TBC1D16: variants seen among roughly 807,000 people sequenced by gnomAD.
TBC1D16 encodes the protein CTD-2529O21.1.
TBC1D16 carries 58 observed loss-of-function variants against 74.7 expected under a neutral mutation model. That is an observed-to-expected ratio of 0.78 (90% CI 0.63 to 0.97). The LOEUF (loss-of-function observed/expected upper bound fraction) is 0.97. Among genes scored for constraint, TBC1D16 ranks in the 50% least tolerant of loss-of-function variants. The probability of loss-of-function intolerance (pLI) is 0.00; values close to 1 mark genes in which losing one functional copy is unlikely to be tolerated. For missense variants in TBC1D16, 1,014 were observed against 1,079.5 expected (o/e 0.94, Z 0.85); for synonymous variants, 493 against 474.7 (o/e 1.04, Z -0.50).
At chr17:79,951,721 T>C (rs1312105706) in intron 4 of TBC1D16, 124 bp from the exon 5 acceptor site, 4 of 1,161,098 alleles carry the variant, frequency 3.4e-6, no homozygotes, top group Non-Finnish European at 3.6e-6. Flanking sequence ...TGAGTCCCAG[T>C]GGAGTTGGCT....
intron 3 of TBC1D16, among the ~76,000 whole-genome samples, chr17:79,972,292 T>G (rs1363588390): frequency 1.3e-5 from 2 of 152,286 alleles, no homozygotes; most frequent in Non-Finnish European, 2.9e-5. Flanking sequence ...TTCTCCTGCT[T>G]CAGCCTCCTG....
At chr17:79,962,134 T>C (rs1203716173) in intron 3 of TBC1D16, among the ~76,000 whole-genome samples, 1 of 151,810 alleles carries the variant, frequency 6.6e-6, no homozygotes, top group Admixed American at 6.6e-5. Flanking sequence ...AGATGCAACT[T>C]TTTTCCTTTT....
chr17:79,960,779 CA>C (rs746450905), intron 3 of TBC1D16, among the ~76,000 whole-genome samples: 1,275 of 33,922 alleles, frequency 0.038, 390 homozygotes, highest in African/African-American at 0.065. Context: ...AACAAAAACC[CA>C]AAAAAAAAAA....
Position 79,947,799 on chromosome 17 carries a change from G to A in TBC1D16, c.1574C>T (p.Pro525Leu). 1 of 1,613,714 alleles carries A rather than the reference G, an allele frequency of 6.2e-7. No individual in the cohort carries two copies. The highest frequency in any genetic ancestry group is 8.5e-7 in the Non-Finnish European group (1 of 1,180,026). ...CATCCCTTGGGAATAGCCGACGGCA[G>A]GGTTGTACACGGCGTAGTTCAGCAG... ...RILLNYAVYNPAVGYSQGMSD... is the reference protein window; with the variant it reads ...RILLNYAVYNLAVGYSQGMSD... The change falls in exon 9 of 12, where the codon CCT (proline) becomes CTT (leucine). Residue 525 changes from proline to leucine, a missense_variant. Transcript: ENST00000310924.
At position 79,971,031 on chromosome 17, in the gene TBC1D16, A is replaced by T. The variant is rs201286248; in HGVS notation, c.780-18213T>A. On this transcript the variant is annotated intron_variant, in intron 3 of 11. Transcript: ENST00000310924. This position sits in a 1 kb window ranked among gnomAD's most constrained non-coding sequence, Gnocchi z 4.6. The stretch of plus-strand genomic sequence containing the variant: ...TACACTCCCTGTATTTTTATTTTTT[A>T]TTTTTTTTTGAGATGGAGTCTGTCT... Among the ~76,000 whole-genome samples the T allele has an allele frequency of 1.7e-3, 191 of 111,102 alleles. No individual in the cohort carries two copies. Among genetic ancestry groups the T allele is most frequent in the East Asian group, 6.7e-3 (19 of 2,838 alleles). The allele number at this position is 111,102 out of a possible 152,430, so 72.9% of individuals were successfully genotyped here.
intron 1 of TBC1D16, chr17:80,026,033 C>T (rs2036573694): frequency 1.3e-5 from 2 of 150,208 alleles, no homozygotes; most frequent in South Asian, 4.2e-4. Context: ...TTACTCATAA[C>T]TGCCAACACT....
intron 1 of TBC1D16, among the ~76,000 whole-genome samples, chr17:80,029,840 G>A (rs1272328056): frequency 6.6e-6 from 1 of 152,118 alleles, no homozygotes; most frequent in Non-Finnish European, 1.5e-5. Flanking sequence ...GTCTCACAGG[G>A]CTAAAACCAG....
intron 3 of TBC1D16, among the ~76,000 whole-genome samples, chr17:79,995,157 G>A (rs1409135272): frequency 6.6e-6 from 1 of 151,944 alleles, no homozygotes; most frequent in Non-Finnish European, 1.5e-5. Context: ...AAAATTAGCT[G>A]AGTGTGGTGA....
chr17:79,951,650 G>A (rs2033060821), intron 4 of TBC1D16, 53 bp from the exon 5 acceptor site: 7 of 1,585,524 alleles, frequency 4.4e-6, no homozygotes, highest in African/African-American at 4.0e-5. Flanking sequence ...TGTAAACACG[G>A]GGGTTTTATT....
chr17:79,945,237 C>A (rs377597591), intron 9 of TBC1D16, 150 bp from the exon 10 acceptor site: 105 of 813,536 alleles, frequency 1.3e-4, no homozygotes, highest in Admixed American at 4.9e-4. Context: ...GCCTGCCCCC[C>A]CAACGCTCCA....
chr17:79,942,339 G>T, intron 10 of TBC1D16, 133 bp from the exon 11 acceptor site: 1 of 964,664 alleles, frequency 1.0e-6, no homozygotes, highest in Non-Finnish European at 1.5e-6. Context: ...CAGCTCGGGG[G>T]CCGTGTGGCC....
intron 3 of TBC1D16, among the ~76,000 whole-genome samples, chr17:79,955,948 C>CT (rs2033314020): frequency 6.6e-6 from 1 of 152,188 alleles, no homozygotes; most frequent in East Asian, 1.9e-4. Flanking sequence ...CTAGGTGGGC[C>CT]TTTTTTGACC....
At chr17:80,005,204 G>A (rs912654224) in intron 3 of TBC1D16, among the ~76,000 whole-genome samples, 38 of 152,230 alleles carry the variant, frequency 2.5e-4, no homozygotes, top group African/African-American at 8.9e-4. Context: ...CTCAGCCTCC[G>A]GAGTAGCAGC....
intron 7 of TBC1D16, 96 bp from the exon 8 acceptor site, chr17:79,949,102 C>G (rs2032816494): frequency 7.8e-6 from 12 of 1,543,156 alleles, no homozygotes; most frequent in Non-Finnish European, 1.1e-5. Context: ...CCTCCCAACC[C>G]CCGTTCCCTG....
At chr17:79,970,664 G>A (rs751358736) in intron 3 of TBC1D16, among the ~76,000 whole-genome samples, 23 of 152,150 alleles carry the variant, frequency 1.5e-4, no homozygotes, top group Non-Finnish European at 3.1e-4. Flanking sequence ...GTGCTCTAAG[G>A]GAATGAGCAC....
intron 3 of TBC1D16, among the ~76,000 whole-genome samples, chr17:79,960,808 A>AAAAAAAAAAAAAAAAAC (rs2033575314): frequency 7.2e-6 from 1 of 139,534 alleles, no homozygotes; most frequent in African/African-American, 2.7e-5. Context: ...AAAAAAAAAA[A>AAAAAAAAAAAAAAAAAC]ACGAAGGAAT....
At chr17:79,943,979 C>T (rs1016443797) in intron 10 of TBC1D16, 63 of 1,523,014 alleles carry the variant, frequency 4.1e-5, no homozygotes, top group African/African-American at 3.8e-4. Flanking sequence ...TGCACGTCCA[C>T]GTCCAGCAGG....
rs2031456575 is a variant in TBC1D16, at chr17:79,934,447, C to T, written c.*6412G>A. 6.6e-6 allele frequency: 1 copy of T among 152,352 alleles called. No homozygotes were observed. Among genetic ancestry groups the T allele is most frequent in the African/African-American group, 2.4e-5 (1 of 41,448 alleles). The allele number at this position is 152,352 out of a possible 1,614,324, so 9.4% of individuals were successfully genotyped here. Reference sequence around the variant, plus strand: ...CAGGGGCCCCTGAGCCACCAGGTTCCTCCATCTTCATGTGGCCACCACGGC... The same window carrying T: ...CAGGGGCCCCTGAGCCACCAGGTTCTTCCATCTTCATGTGGCCACCACGGC... On this transcript the variant is annotated 3_prime_UTR_variant, in exon 12 of 12. Transcript: ENST00000310924.
intron 3 of TBC1D16, among the ~76,000 whole-genome samples, chr17:79,966,747 C>T (rs571470146): frequency 1.3e-5 from 2 of 152,100 alleles, no homozygotes; most frequent in South Asian, 2.1e-4. Context: ...AAAAACCAGA[C>T]GAAGACATTA....
Sources: gnomAD v4.1 joint callset for allele counts (sites outside exome capture counted in the v4.1 genomes callset) on GRCh38, gnomAD v4.1.1 for gene constraint, Gnocchi (gnomAD v3.1) non-coding constraint, MANE v1.5 for transcripts, NCBI Gene and HGNC (gene_info 2026-07-23, HGNC 2026-07-21) for gene names.